IMPA2: variants seen among roughly 807,000 people sequenced by gnomAD.
IMPA2 encodes the protein inositol monophosphatase 2.
A neutral mutation model predicts 35.1 loss-of-function variants in IMPA2; 32 were observed. The ratio of observed to expected loss-of-function variants is 0.91; its 90% CI spans 0.69 to 1.23. The LOEUF (loss-of-function observed/expected upper bound fraction) is 1.23, where lower values mean the gene tolerates loss of function less well. IMPA2 is among the 50% of genes most tolerant of loss of function. The pLI is 0.00. For missense variants in IMPA2, 334 were observed against 387.6 expected (o/e 0.86, Z 1.16); for synonymous variants, 135 against 160.6 (o/e 0.84, Z 1.20).
At chr18:11,985,147 CAAA>C (rs60194371) in intron 1 of IMPA2, among the ~76,000 whole-genome samples, 4,186 of 80,502 alleles carry the variant, frequency 0.052, 94 homozygotes, top group African/African-American at 0.13. Context: ...AACTCTGTCT[CAAA>C]AAAAAAAAAA....
chr18:11,984,476 TC>T (rs969221874), intron 1 of IMPA2, among the ~76,000 whole-genome samples: 3 of 152,138 alleles, frequency 2.0e-5, no homozygotes, highest in African/African-American at 7.2e-5. Context: ...GCCTTTCAAA[TC>T]CCCCCGCGGA....
chr18:11,993,437 C>T (rs1057512185), intron 1 of IMPA2, among the ~76,000 whole-genome samples: 1 of 152,192 alleles, frequency 6.6e-6, no homozygotes, highest in Non-Finnish European at 1.5e-5. Context: ...TGGCGCAGCC[C>T]CCATGTGTGC....
At chr18:11,984,694 G>A (rs1402698799) in intron 1 of IMPA2, among the ~76,000 whole-genome samples, 2 of 152,032 alleles carry the variant, frequency 1.3e-5, no homozygotes, top group East Asian at 1.9e-4. Flanking sequence ...GTGGCCGGGC[G>A]CGGTGGCTCA....
At chr18:12,017,931 G>GGTT in intron 5 of IMPA2, 1 of 143,114 alleles carries the variant, frequency 7.0e-6, no homozygotes, top group South Asian at 9.6e-5. Context: ...GTTATACTGG[G>GGTT]TTTTTTTTTT....
In IMPA2 at chr18:12,010,457, C is replaced by G. The variant is rs554138431; in HGVS notation, c.335+470C>G. Among the ~76,000 whole-genome samples the G allele has an allele frequency of 6.6e-6, 1 of 152,246 alleles. No individual in the cohort carries two copies. The highest frequency in any genetic ancestry group is 6.5e-5 in the Admixed American group (1 of 15,298). On this transcript the variant is annotated intron_variant, in intron 3 of 7. Transcript: ENST00000269159. This position sits in a 1 kb window ranked among gnomAD's most constrained non-coding sequence, Gnocchi z 4.8. ...CAAAAAGCAGGAGGTTTGGGGAGGT[C>G]AGAAGGGCCCGTGTGGGGAGGTGAA...
At position 12,010,236 on chromosome 18, in the gene IMPA2, T is replaced by C. The variant is rs866121599; in HGVS notation, c.335+249T>C. On this transcript the variant is annotated intron_variant, in intron 3 of 7. Transcript: ENST00000269159. The surrounding 1 kb of genome is among the most constrained non-coding windows in gnomAD (Gnocchi z 4.8). ...AAACCAGTTTGTTATGTTAAAAATGTTGGGTTGCATTTAACAAGGACCCCT... is the reference window on the plus strand; with the variant it reads ...AAACCAGTTTGTTATGTTAAAAATGCTGGGTTGCATTTAACAAGGACCCCT... The C allele has an allele frequency of 2.5e-5, 11 of 437,576 alleles. No individual in the cohort carries two copies. Among genetic ancestry groups the C allele is most frequent in the Middle Eastern group, 1.3e-3 (2 of 1,586 alleles). The allele number at this position is 437,576 out of a possible 1,614,324, so 27.1% of individuals were successfully genotyped here.
intron 1 of IMPA2, among the ~76,000 whole-genome samples, chr18:11,984,617 A>C (rs1470070147): frequency 6.6e-6 from 1 of 152,046 alleles, no homozygotes; most frequent in Non-Finnish European, 1.5e-5. Flanking sequence ...AGGCTTGTGG[A>C]TCACCTGAGG....
At chr18:11,995,661 C>T (rs937420400) in intron 1 of IMPA2, among the ~76,000 whole-genome samples, 16 of 152,010 alleles carry the variant, frequency 1.1e-4, no homozygotes, top group South Asian at 6.2e-4. Flanking sequence ...CTGGCTGTGC[C>T]GGGAGAGTGG....
At chr18:12,029,305 G>A (rs627492) in intron 7 of IMPA2, among the ~76,000 whole-genome samples, 44,488 of 150,000 alleles carry the variant, frequency 0.3, 7,947 homozygotes, top group East Asian at 0.74. Flanking sequence ...TATTAGAGAC[G>A]GGGTTTCATG....
Position 11,991,921 on chromosome 18 carries a change from G to A in IMPA2, c.97-7133G>A, listed in dbSNP as rs621747. ...TGCAGTGGCGTAATCTTGGCTCACC[G>A]CAACCTCCACCTCCTGGGCTCACGC... On this transcript the variant is annotated intron_variant, in intron 1 of 7. Coordinates refer to ENST00000269159, the MANE Select transcript of IMPA2 (RefSeq NM_014214.3). The surrounding 1 kb of genome is among the most constrained non-coding windows in gnomAD (Gnocchi z 4.1). 0.069 allele frequency among the ~76,000 whole-genome samples: 10,414 copies of A among 151,044 alleles called. 1,156 individuals carry two copies. Among genetic ancestry groups the A allele is most frequent in the African/African-American group, 0.24 (9,819 of 40,990 alleles).
At chr18:11,990,945 T>C (rs1222381333) in intron 1 of IMPA2, among the ~76,000 whole-genome samples, 1 of 152,200 alleles carries the variant, frequency 6.6e-6, no homozygotes, top group Non-Finnish European at 1.5e-5. Flanking sequence ...GTGGAATAAA[T>C]GTACATGTGA....
chr18:12,008,574 G>A (rs751893535), intron 2 of IMPA2: 12 of 456,664 alleles, frequency 2.6e-5, no homozygotes, highest in South Asian at 1.7e-4. Flanking sequence ...CAGCTCCACA[G>A]GGACCAGCCT....
At chr18:12,014,503 C>A in intron 5 of IMPA2, 130 bp downstream of exon 5, 1 of 570,422 alleles carries the variant, frequency 1.8e-6, no homozygotes. Flanking sequence ...TTAGGGACAT[C>A]GTGTCCCTGA....
At chr18:12,005,701 C>T (rs543581529) in intron 2 of IMPA2, among the ~76,000 whole-genome samples, 7 of 152,256 alleles carry the variant, frequency 4.6e-5, no homozygotes, top group South Asian at 4.1e-4. Context: ...CTCCTGCTCC[C>T]GAGTGTCCTG....
intron 6 of IMPA2, 188 bp from the exon 7 acceptor site, chr18:12,028,654 G>A (rs925207683): frequency 2.4e-5 from 16 of 655,682 alleles, no homozygotes; most frequent in Middle Eastern, 4.3e-4. Flanking sequence ...AGGCATTTGC[G>A]TCTGGCGGAG....
At chr18:12,020,077 T>C (rs574040509) in intron 5 of IMPA2, among the ~76,000 whole-genome samples, 52 of 151,918 alleles carry the variant, frequency 3.4e-4, no homozygotes, top group African/African-American at 1.2e-3. Flanking sequence ...GATTTCACCA[T>C]GTTGGCCAGG....
chr18:12,023,380 C>T (rs1034704564), intron 5 of IMPA2, among the ~76,000 whole-genome samples: 8 of 152,276 alleles, frequency 5.3e-5, no homozygotes, highest in South Asian at 2.1e-4. Flanking sequence ...GGGAAGTGCT[C>T]GCACAGGCCT....
At chr18:11,982,190 C>A (rs1906522179) in intron 1 of IMPA2, among the ~76,000 whole-genome samples, 1 of 152,184 alleles carries the variant, frequency 6.6e-6, no homozygotes, top group African/African-American at 2.4e-5. Context: ...CTGCAGCATC[C>A]TCAACCCAAA....
At chr18:11,998,011 T>C (rs1568029552) in intron 1 of IMPA2, among the ~76,000 whole-genome samples, 2 of 151,914 alleles carry the variant, frequency 1.3e-5, no homozygotes. Context: ...CTTCAAAAAA[T>C]AAAAAATGAG....
Sources: allele counts gnomAD v4.1 joint callset (sites outside exome capture counted in the v4.1 genomes callset), GRCh38; gene constraint gnomAD v4.1.1; non-coding constraint Gnocchi (gnomAD v3.1); transcripts MANE v1.5; gene names NCBI Gene and HGNC (gene_info 2026-07-23, HGNC 2026-07-21).